Variants in NVL observed in about 807,000 individuals in gnomAD.
NVL encodes the protein nuclear VCP like.
Under a neutral mutation model 110.2 loss-of-function variants are expected in NVL, and 84 were observed. That is an observed-to-expected ratio of 0.76 (90% CI 0.64 to 0.91). The LOEUF (loss-of-function observed/expected upper bound fraction) is 0.91. Among genes scored for constraint, NVL ranks in the 40% least tolerant of loss-of-function variants. The probability of loss-of-function intolerance (pLI) is 0.00; values close to 1 mark genes in which losing one functional copy is unlikely to be tolerated. For synonymous variants in NVL, 354 were observed against 361.1 expected, an observed-to-expected ratio of 0.98 and a Z score of 0.22; for missense variants, 882 against 1,035.9, an observed-to-expected ratio of 0.85 and a Z score of 2.04.
At chr1:224,267,686 CAAAAAAAAAAA>C (rs532968583) in intron 18 of NVL, among the ~76,000 whole-genome samples, 1 of 51,536 alleles carries the variant, frequency 1.9e-5, no homozygotes, top group Non-Finnish European at 4.0e-5. Flanking sequence ...GATTCTGTCT[CAAAAAAAAAAA>C]AAAAAAAAAG....
intron 2 of NVL, 108 bp from the exon 3 acceptor site, chr1:224,318,038 AG>A (rs1670266127): frequency 1.4e-6 from 1 of 706,906 alleles, no homozygotes; most frequent in Non-Finnish European, 2.3e-6. Context: ...TCATTGTTAC[AG>A]TATAGACACT....
chr1:224,296,813 C>T (rs1667928368), intron 10 of NVL, among the ~76,000 whole-genome samples, 195 bp from the exon 11 acceptor site: 1 of 152,128 alleles, frequency 6.6e-6, no homozygotes. Flanking sequence ...ATTAGAAGTA[C>T]ACAGTAAGAG....
chr1:224,304,743 G>A lies in NVL; in HGVS notation c.818C>T (p.Thr273Ile). The change falls in exon 8 of 23, where the codon ACA becomes ATA. Residue 273 changes from threonine (T) to isoleucine (I), a missense_variant. Physicochemically the swap from Thr to Ile is moderately conservative, Grantham distance 89. This residue lies in a region of NVL where 416 missense variants were observed against 499.3 expected (regional missense o/e 0.83). Coordinates refer to ENST00000281701, the MANE Select transcript of NVL (RefSeq NM_002533.4). ...TTCAGAATTTGCACTAACTTTTAATGTCATATCATTGCCTCCCACATCTTC... is the reference window on the plus strand; with the variant it reads ...TTCAGAATTTGCACTAACTTTTAATATCATATCATTGCCTCCCACATCTTC... ...KFEDVGGNDMTLKEVCKMLIH... is the reference protein window; with the variant it reads ...KFEDVGGNDMILKEVCKMLIH... 6.2e-7 allele frequency: 1 copy of A among 1,613,220 alleles called. No homozygotes were observed. Among genetic ancestry groups the A allele is most frequent in the Non-Finnish European group, 8.5e-7 (1 of 1,179,260 alleles).
chr1:224,251,243 C>T (rs1662450934), intron 18 of NVL, among the ~76,000 whole-genome samples: 1 of 120,126 alleles, frequency 8.3e-6, no homozygotes, highest in Non-Finnish European at 1.6e-5. Flanking sequence ...CACTGCACTT[C>T]AGCCTGGCCA....
At chr1:224,275,496 TC>T in intron 16 of NVL, 38 bp from the exon 17 acceptor site, 3 of 1,613,242 alleles carry the variant, frequency 1.9e-6, no homozygotes, top group Non-Finnish European at 1.7e-6. Flanking sequence ...TACCAACAGT[TC>T]AACTTTGTGG....
intron 4 of NVL, among the ~76,000 whole-genome samples, chr1:224,315,810 T>G (rs1191619745): frequency 1.3e-5 from 2 of 152,234 alleles, no homozygotes; most frequent in Non-Finnish European, 1.5e-5. Flanking sequence ...TATGTTACAT[T>G]GCATTTTGTA....
chr1:224,291,241 T>C (rs1198131109), intron 12 of NVL, among the ~76,000 whole-genome samples: 1 of 152,206 alleles, frequency 6.6e-6, no homozygotes, highest in African/African-American at 2.4e-5. Context: ...GTTTTGCTCT[T>C]GTTGCCCTGG....
intron 19 of NVL, among the ~76,000 whole-genome samples, chr1:224,242,096 T>G (rs935791983): frequency 4.0e-5 from 6 of 151,800 alleles, no homozygotes; most frequent in African/African-American, 1.5e-4. Flanking sequence ...GTACCTAGAA[T>G]AGGCAAAGCA....
chr1:224,246,236 G>T (rs1035270692), intron 19 of NVL, among the ~76,000 whole-genome samples: 1 of 151,678 alleles, frequency 6.6e-6, no homozygotes, highest in Non-Finnish European at 1.5e-5. Context: ...TGCCATGTTG[G>T]CCAGGCTGGT....
intron 8 of NVL, 45 bp downstream of exon 8, chr1:224,304,691 T>C: frequency 6.9e-7 from 1 of 1,448,898 alleles, no homozygotes; most frequent in East Asian, 2.3e-5. Flanking sequence ...TCATAACTGA[T>C]TAGTAATATA....
chr1:224,285,099 A>G (rs1571946273), intron 15 of NVL, among the ~76,000 whole-genome samples: 1 of 152,344 alleles, frequency 6.6e-6, no homozygotes, highest in Middle Eastern at 3.4e-3. Context: ...TGACGTGAAG[A>G]TGTTCAGGAA....
chr1:224,274,035 A>ACACACACACACAC (rs144089723), intron 17 of NVL, among the ~76,000 whole-genome samples: 2 of 145,540 alleles, frequency 1.4e-5, no homozygotes, highest in Non-Finnish European at 3.0e-5. Flanking sequence ...ATGACCTAAC[A>ACACACACACACAC]ACACACACAC....
At chr1:224,297,885 T>C (rs1668026223) in intron 10 of NVL, 1 of 152,548 alleles carries the variant, frequency 6.6e-6, no homozygotes, top group Non-Finnish European at 1.5e-5. Context: ...CCGTCTCTAC[T>C]GAACATACAA....
chr1:224,301,935 C>T (rs763581910), intron 9 of NVL, among the ~76,000 whole-genome samples: 4 of 152,082 alleles, frequency 2.6e-5, no homozygotes, highest in Non-Finnish European at 4.4e-5. Flanking sequence ...ATACCACATA[C>T]CATTTTGCAC....
At chr1:224,231,325 T>A (rs762636213) in intron 21 of NVL, 29 bp from the exon 22 acceptor site, 1 of 1,561,296 alleles carries the variant, frequency 6.4e-7, no homozygotes, top group Non-Finnish European at 8.8e-7. Context: ...AATATACACA[T>A]CTCAGTATCG....
intron 2 of NVL, among the ~76,000 whole-genome samples, chr1:224,319,460 A>G (rs1650109871): frequency 6.6e-6 from 1 of 151,840 alleles, no homozygotes; most frequent in South Asian, 2.1e-4. Flanking sequence ...GGCGCCTGCC[A>G]CCACACCCGG....
chr1:224,285,958 A>G (rs560660851), intron 15 of NVL, 68 bp downstream of exon 15: 7 of 1,199,260 alleles, frequency 5.8e-6, no homozygotes, highest in African/African-American at 4.5e-5. Flanking sequence ...GTAATATTTA[A>G]AGTTAAGTTC....
intron 21 of NVL, 66 bp from the exon 22 acceptor site, chr1:224,231,362 T>C: frequency 7.4e-7 from 1 of 1,350,018 alleles, no homozygotes; most frequent in African/African-American, 1.4e-5. Context: ...GAACTTAACT[T>C]CCTTTGAAAG....
intron 18 of NVL, among the ~76,000 whole-genome samples, chr1:224,250,627 T>C (rs1662365169): frequency 6.6e-6 from 1 of 152,134 alleles, no homozygotes; most frequent in Non-Finnish European, 1.5e-5. Flanking sequence ...GTAAGTTATT[T>C]GGTGGTGATT....
Sources: gnomAD v4.1 joint callset for allele counts (sites outside exome capture counted in the v4.1 genomes callset) on GRCh38, gnomAD v4.1.1 for gene constraint, gnomAD v4.1.1 regional missense constraint, MANE v1.5 for transcripts, NCBI Gene and HGNC (gene_info 2026-07-23, HGNC 2026-07-21) for gene names.